Variants in TRAK1 observed in about 807,000 individuals in gnomAD.
TRAK1 encodes the protein trafficking kinesin-binding protein 1.
Under a neutral mutation model 92.1 loss-of-function variants are expected in TRAK1, and 33 were observed. That is an observed-to-expected ratio of 0.36 (90% confidence interval 0.27 to 0.48). The LOEUF (loss-of-function observed/expected upper bound fraction) is 0.48, where lower values mean the gene tolerates loss of function less well. Ranked by LOEUF, TRAK1 falls within the 20% of genes least tolerant of loss-of-function variation. The pLI is 0.99. For synonymous variants in TRAK1, 521 were observed against 517.3 expected (o/e 1.01, Z -0.10); for missense variants, 1,123 against 1,257.9 (o/e 0.89, Z 1.62).
intron 2 of TRAK1, among the ~76,000 whole-genome samples, chr3:42,139,885 G>C (rs1348276451): frequency 6.6e-6 from 1 of 152,136 alleles, no homozygotes; most frequent in Non-Finnish European, 1.5e-5. Context: ...GGAATACGGG[G>C]CCGTTTGAGC....
At chr3:42,088,466 A>G (rs1209164569), upstream of TRAK1, among the ~76,000 whole-genome samples, 1 of 152,136 alleles carries the variant, frequency 6.6e-6, no homozygotes, top group East Asian at 1.9e-4. Flanking sequence ...TCTCTACTGC[A>G]TCATTCTTTT....
At chr3:42,071,563 C>T (rs1703931387) in intron 1 of TRAK1, among the ~76,000 whole-genome samples, 1 of 152,060 alleles carries the variant, frequency 6.6e-6, no homozygotes, top group Non-Finnish European at 1.5e-5. Flanking sequence ...CAAAAATTAG[C>T]TGGTTTTGGT....
At chr3:42,044,800 T>G (rs1702691045) in intron 1 of TRAK1, among the ~76,000 whole-genome samples, 1 of 152,190 alleles carries the variant, frequency 6.6e-6, no homozygotes, top group South Asian at 2.1e-4. Flanking sequence ...GCCACGAGTC[T>G]GCTGCCAATT....
Position 42,103,015 on chromosome 3 carries a change from G to T in TRAK1, c.91+11455G>T, listed in dbSNP as rs1398160442. 2.0e-5 allele frequency among the ~76,000 whole-genome samples: 3 copies of T among 152,122 alleles called. No homozygotes were observed. In the East Asian group the frequency reaches 5.8e-4, roughly 29 times the overall value. Reference sequence around the variant, plus strand: ...TCATCCATATAAAGTGTATAATTTAGTGGTTTTTAGTATGTTCGTGGGGTT... The same window carrying T: ...TCATCCATATAAAGTGTATAATTTATTGGTTTTTAGTATGTTCGTGGGGTT... On this transcript the variant is annotated intron_variant, in intron 1 of 15. Coordinates refer to ENST00000327628, the MANE Select transcript of TRAK1 (RefSeq NM_001042646.3).
chr3:42,103,629 C>T (rs924402692), intron 1 of TRAK1, among the ~76,000 whole-genome samples: 1 of 152,080 alleles, frequency 6.6e-6, no homozygotes, highest in East Asian at 1.9e-4. Context: ...TATGGCTGGG[C>T]TCGTGTCTGT....
At chr3:42,203,004 C>A (rs1489871109) in intron 13 of TRAK1, 21 of 1,297,810 alleles carry the variant, frequency 1.6e-5, no homozygotes, top group Non-Finnish European at 2.0e-5. Flanking sequence ...AGCATGTGCA[C>A]TGTGGTCTTC....
At position 42,067,121 on chromosome 3, in the gene TRAK1, G is replaced by T. The variant is rs1362178387; in HGVS notation, c.-518-19983G>T. Among the ~76,000 whole-genome samples, 50 of 152,154 alleles carry T rather than the reference G, an allele frequency of 3.3e-4. 1 individual carries two copies. The highest frequency in any genetic ancestry group is 4.8e-5 in the African/African-American group (2 of 41,436). On this transcript the variant is annotated intron_variant, in intron 1 of 16. Transcript: ENST00000487159. Reference sequence around the variant, plus strand: ...GTGCTTCGTAGAGAATTTCTTCTTTGTACTCAAGTTGATTTAAGTCTAGAA... The same window carrying T: ...GTGCTTCGTAGAGAATTTCTTCTTTTTACTCAAGTTGATTTAAGTCTAGAA...
chr3:42,200,236 C>G (rs1169316446), intron 11 of TRAK1, among the ~76,000 whole-genome samples: 1 of 152,188 alleles, frequency 6.6e-6, no homozygotes, highest in East Asian at 1.9e-4. Flanking sequence ...ACATGCCTAC[C>G]CTTTTCTCTT....
At chr3:42,218,522 TTTATTA>T (rs1452013657) in intron 14 of TRAK1, 1 of 983,934 alleles carries the variant, frequency 1.0e-6, no homozygotes, top group Admixed American at 6.2e-5. Flanking sequence ...TTTTTTTTAT[TTTATTA>T]TTATTTTTTT....
Position 42,223,769 on chromosome 3 carries a change from G to C in TRAK1, c.*32G>C. 8 of 1,559,844 alleles carry C rather than the reference G, an allele frequency of 5.1e-6. No homozygotes were observed. The highest frequency in any genetic ancestry group is 7.0e-6 in the Non-Finnish European group (8 of 1,147,670). ...GAGGGGGGCCGGTTGCCCTAGAGGA[G>C]ACCCACGTTCTCCTCTCTTGCTCCC... is the stretch of plus-strand genomic sequence containing the variant. On this transcript the variant is annotated 3_prime_UTR_variant, in exon 16 of 16. Transcript: ENST00000327628. This position sits in a 1 kb window ranked among gnomAD's most constrained non-coding sequence, Gnocchi z 6.1.
intron 5 of TRAK1, 35 bp from the exon 6 acceptor site, chr3:42,188,981 G>C (rs372420904): frequency 6.7e-7 from 1 of 1,493,082 alleles, no homozygotes; most frequent in South Asian, 1.1e-5. Context: ...GAGGAAATGC[G>C]TCTCCCTAGG....
chr3:42,128,301 G>A (rs1210327816), intron 2 of TRAK1, among the ~76,000 whole-genome samples: 2 of 152,228 alleles, frequency 1.3e-5, no homozygotes, highest in African/African-American at 2.4e-5. Context: ...AATCCTGGTA[G>A]TAGATAACAC....
chr3:42,130,177 C>G (rs548945141), intron 2 of TRAK1, among the ~76,000 whole-genome samples: 4 of 152,190 alleles, frequency 2.6e-5, no homozygotes, highest in Middle Eastern at 3.4e-3. Flanking sequence ...GTGCTATAGA[C>G]TTTTGTAGTC....
At chr3:42,110,094 GTATATATATA>G (rs375315730) in intron 1 of TRAK1, among the ~76,000 whole-genome samples, 16,826 of 83,154 alleles carry the variant, frequency 0.2, 2,157 homozygotes, top group South Asian at 0.39. Context: ...AGAACTTAAA[GTATATATATA>G]TATATATATA....
intron 1 of TRAK1, among the ~76,000 whole-genome samples, chr3:42,044,597 G>A (rs1019662285): frequency 2.0e-5 from 3 of 152,216 alleles, no homozygotes; most frequent in Admixed American, 6.5e-5. Context: ...GGAGCCAGAA[G>A]GCTCAAGTTC....
upstream of TRAK1, among the ~76,000 whole-genome samples, chr3:42,086,118 C>A (rs6800539): frequency 7.5e-3 from 1,143 of 152,306 alleles, 13 homozygotes; most frequent in African/African-American, 0.025. Context: ...TGCAGGTGCG[C>A]TGGGAGTTGA....
chr3:42,133,174 T>G lies in TRAK1; in HGVS notation c.286+7560T>G, dbSNP rs1026787390. On this transcript the variant is annotated intron_variant, in intron 2 of 15. Transcript: ENST00000327628. Reference sequence around the variant, plus strand: ...CCAACTGGGTCATGCCGCTCCTTTGTTTCCCATTGCCCTTTGGATAAAATG... The same window carrying G: ...CCAACTGGGTCATGCCGCTCCTTTGGTTCCCATTGCCCTTTGGATAAAATG... 3.3e-5 allele frequency among the ~76,000 whole-genome samples: 5 copies of G among 152,206 alleles called. No homozygotes were observed. In the South Asian group the frequency reaches 1.0e-3, roughly 32 times the overall value.
At chr3:42,155,487 A>C (rs1163421110) in intron 2 of TRAK1, among the ~76,000 whole-genome samples, 6 of 152,190 alleles carry the variant, frequency 3.9e-5, no homozygotes, top group African/African-American at 1.4e-4. Context: ...GGTCCCCTTC[A>C]TAGGTGAGCT....
At chr3:42,159,642 AGATT>A (rs1162793355) in intron 2 of TRAK1, among the ~76,000 whole-genome samples, 3 of 152,362 alleles carry the variant, frequency 2.0e-5, no homozygotes, top group African/African-American at 7.2e-5. Context: ...TATGAAATGT[AGATT>A]GATAAAGAGA....
Sources: gnomAD v4.1 joint callset for allele counts (sites outside exome capture counted in the v4.1 genomes callset) on GRCh38, gnomAD v4.1.1 for gene constraint, Gnocchi (gnomAD v3.1) non-coding constraint, MANE v1.5 for transcripts, NCBI Gene and HGNC (gene_info 2026-07-23, HGNC 2026-07-21) for gene names.